The following TMEM132C variants were observed in gnomAD, a reference collection of about 807,000 sequenced individuals.
TMEM132C encodes transmembrane protein 132C.
TMEM132C carries 29 observed loss-of-function variants against 61.4 expected under a neutral mutation model. The observed-to-expected ratio is 0.47, with a 90% CI of 0.35 to 0.64. The LOEUF is 0.64. Ranked by LOEUF, TMEM132C falls within the 30% of genes least tolerant of loss-of-function variation. The probability of loss-of-function intolerance (pLI) is 0.00; values close to 1 mark genes in which losing one functional copy is unlikely to be tolerated. For missense variants in TMEM132C, 1,408 were observed against 1,476.9 expected (o/e 0.95, Z 0.76); for synonymous variants, 656 against 633.1 (o/e 1.04, Z -0.54).
chr12:128,268,974 G>T (rs1870418494), intron 1 of TMEM132C, among the ~76,000 whole-genome samples: 1 of 97,874 alleles, frequency 1.0e-5, no homozygotes, highest in African/African-American at 4.2e-5. Context: ...GGAAAGGGGG[G>T]GCAAGTCGGG....
chr12:128,694,019 T>C lies in TMEM132C; in HGVS notation c.1640T>C (p.Ile547Thr), dbSNP rs764278516. ...LSQIKGWRVP[I>T]VTNKRPTRES... The stretch of plus-strand genomic sequence containing the variant: ...CAGATAAAGGGCTGGAGGGTCCCCA[T>C]TGTGACCAATAAGAGGTGAGCCTCG... The change falls in exon 6 of 9, where the codon ATT becomes ACT. Residue 547 changes from isoleucine (I) to threonine (T), a missense_variant. Ile to Thr is a moderately conservative substitution (Grantham distance 89). Transcript: ENST00000435159. 21 of 1,551,594 alleles carry C rather than the reference T, an allele frequency of 1.4e-5. No homozygotes were observed. The highest frequency in any genetic ancestry group is 3.3e-4 in the Middle Eastern group (2 of 6,010).
chr12:128,648,330 G>A (rs563006289), intron 4 of TMEM132C, among the ~76,000 whole-genome samples: 11 of 146,908 alleles, frequency 7.5e-5, no homozygotes, highest in South Asian at 2.2e-4. Flanking sequence ...TGTGTTTACT[G>A]GAGTCCATCA....
chr12:128,608,865 G>T (rs568698080), intron 3 of TMEM132C, among the ~76,000 whole-genome samples: 10 of 152,128 alleles, frequency 6.6e-5, no homozygotes, highest in Admixed American at 1.3e-4. Context: ...CATAAGGATT[G>T]CAGATCTTTT....
chr12:128,329,755 G>C (rs558833929), intron 1 of TMEM132C, among the ~76,000 whole-genome samples: 29 of 152,276 alleles, frequency 1.9e-4, no homozygotes, highest in African/African-American at 5.1e-4. Context: ...CATGGAGAAG[G>C]CATGTGGAGA....
chr12:128,347,397 G>GCCTCTCTCTCTCTCTCTCTCTCTCTCTC (rs1873193951), intron 1 of TMEM132C, among the ~76,000 whole-genome samples: 3 of 135,524 alleles, frequency 2.2e-5, no homozygotes, highest in Admixed American at 7.2e-5. Flanking sequence ...GCATATGTAT[G>GCCTCTCTCTCTCTCTCTCTCTCTCTCTC]TCTCTCTCTC....
At chr12:128,694,362 T>G (rs928614924) in intron 6 of TMEM132C, among the ~76,000 whole-genome samples, 7 of 152,256 alleles carry the variant, frequency 4.6e-5, no homozygotes, top group Non-Finnish European at 7.3e-5. Flanking sequence ...CAAAAAAAAG[T>G]CAGTCCTTTC....
chr12:128,344,417 C>G (rs1873084605), intron 1 of TMEM132C, among the ~76,000 whole-genome samples: 1 of 152,186 alleles, frequency 6.6e-6, no homozygotes, highest in Non-Finnish European at 1.5e-5. Context: ...CTCGGCCTCC[C>G]AAAGTGCTGG....
chr12:128,364,412 C>T (rs546663270), intron 1 of TMEM132C, among the ~76,000 whole-genome samples: 8 of 151,994 alleles, frequency 5.3e-5, no homozygotes, highest in Admixed American at 1.3e-4. Context: ...CTTGCTCTTC[C>T]GTCCCTCGGG....
intron 2 of TMEM132C, among the ~76,000 whole-genome samples, chr12:128,417,056 G>T (rs910842833): frequency 6.6e-5 from 10 of 152,118 alleles, no homozygotes; most frequent in Non-Finnish European, 1.2e-4. Flanking sequence ...TGACTGAGGA[G>T]CCGGGAGAGT....
At chr12:128,552,332 G>A (rs529126783) in intron 3 of TMEM132C, among the ~76,000 whole-genome samples, 47 of 152,162 alleles carry the variant, frequency 3.1e-4, no homozygotes, top group Non-Finnish European at 5.4e-4. Context: ...ACAGCACACA[G>A]AATAATACTG....
chr12:128,618,690 T>C (rs1461148999), intron 4 of TMEM132C, among the ~76,000 whole-genome samples: 3 of 152,202 alleles, frequency 2.0e-5, no homozygotes, highest in Admixed American at 2.0e-4. Context: ...GCCTTTCACT[T>C]GGCTCTCATT....
intron 4 of TMEM132C, among the ~76,000 whole-genome samples, chr12:128,626,973 C>A (rs1032523106): frequency 6.6e-6 from 1 of 152,186 alleles, no homozygotes; most frequent in Non-Finnish European, 1.5e-5. Flanking sequence ...CACCAAGGGC[C>A]TCTCCCTAGT....
At chr12:128,308,926 G>A (rs2135925170) in intron 1 of TMEM132C, among the ~76,000 whole-genome samples, 1 of 152,270 alleles carries the variant, frequency 6.6e-6, no homozygotes, top group Non-Finnish European at 1.5e-5. Context: ...TTTTAAAAAT[G>A]TGATGGAAAG....
At chr12:128,301,200 G>A (rs1158231160) in intron 1 of TMEM132C, among the ~76,000 whole-genome samples, 1 of 152,124 alleles carries the variant, frequency 6.6e-6, no homozygotes, top group Non-Finnish European at 1.5e-5. Context: ...GCATGAAAAA[G>A]GAAAGGAAGT....
chr12:128,701,362 C>T (rs1473868850), intron 8 of TMEM132C, among the ~76,000 whole-genome samples: 2 of 152,204 alleles, frequency 1.3e-5, no homozygotes, highest in African/African-American at 2.4e-5. Context: ...GCTCACCCCT[C>T]AGAGCCAGCT....
At chr12:128,430,162 A>G (rs1032034773) in intron 2 of TMEM132C, among the ~76,000 whole-genome samples, 6 of 152,146 alleles carry the variant, frequency 3.9e-5, no homozygotes, top group Non-Finnish European at 2.9e-5. Context: ...TTAACCACCC[A>G]CCAGCCTACC....
chr12:128,574,954 A>G (rs1875034072), intron 3 of TMEM132C, among the ~76,000 whole-genome samples: 1 of 152,244 alleles, frequency 6.6e-6, no homozygotes, highest in Non-Finnish European at 1.5e-5. Context: ...GTAGGTGCAA[A>G]ACAGGCTATA....
chr12:128,475,792 C>T (rs761553448), intron 2 of TMEM132C, among the ~76,000 whole-genome samples: 1 of 152,194 alleles, frequency 6.6e-6, no homozygotes, highest in Non-Finnish European at 1.5e-5. Flanking sequence ...TGTAACTTCA[C>T]AGAAGCCTCC....
intron 2 of TMEM132C, among the ~76,000 whole-genome samples, chr12:128,428,404 G>A (rs933782104): frequency 5.3e-5 from 8 of 152,048 alleles, no homozygotes; most frequent in African/African-American, 7.2e-5. Flanking sequence ...TCCCAGCTTC[G>A]ACCCTGCTCA....
Sources: gnomAD v4.1 joint callset for allele counts (sites outside exome capture counted in the v4.1 genomes callset) on GRCh38, gnomAD v4.1.1 for gene constraint, MANE v1.5 for transcripts, NCBI Gene and HGNC (gene_info 2026-07-23, HGNC 2026-07-21) for gene names.